Variants in ALG1L2 observed in about 807,000 individuals in gnomAD.
ALG1L2 encodes ALG1 chitobiosyldiphosphodolichol beta-mannosyltransferase like 2.
Under a neutral mutation model 29.0 loss-of-function variants are expected in ALG1L2, and 32 were observed. The observed-to-expected ratio is 1.10, with a 90% CI of 0.83 to 1.48. ALG1L2 has a LOEUF of 1.48. ALG1L2 is among the 40% of genes most tolerant of loss of function. The probability of loss-of-function intolerance (pLI) is 0.00; values close to 1 mark genes in which losing one functional copy is unlikely to be tolerated. For missense variants in ALG1L2, 318 were observed against 274.1 expected (o/e 1.16, Z -1.13); for synonymous variants, 110 against 109.5 (o/e 1.00, Z -0.03).
intron 7 of ALG1L2, 124 bp downstream of exon 7, chr3:130,097,374 G>T: frequency 6.9e-7 from 1 of 1,438,924 alleles, no homozygotes; most frequent in Non-Finnish European, 9.2e-7. Flanking sequence ...GAAAAGCTAG[G>T]GAGGGAGCAG....
At chr3:130,091,123 G>A (rs977897224) in intron 1 of ALG1L2, 138 bp from the exon 2 acceptor site, 1 of 801,992 alleles carries the variant, frequency 1.2e-6, no homozygotes, top group African/African-American at 1.7e-5. Context: ...GGAAATTTCT[G>A]GAAACCAGGA....
intron 4 of ALG1L2, chr3:130,093,994 TG>T (rs1215387381): frequency 1.1e-5 from 3 of 280,484 alleles, no homozygotes; most frequent in South Asian, 3.4e-5. Context: ...CCATGTGCTC[TG>T]GGGGCTGTGG....
Position 130,094,201 on chromosome 3 carries a change from C to T in ALG1L2, c.314-202C>T, listed in dbSNP as rs1266908578. The T allele has an allele frequency of 4.8e-6, 3 of 626,354 alleles. No individual in the cohort carries two copies. In the East Asian group the frequency reaches 8.4e-5, roughly 18 times the overall value. 38.8% of individuals were successfully genotyped at this position (626,354 alleles called of 1,614,324 possible). A position where few individuals can be genotyped will look rare whatever the true frequency, so the allele number is the denominator to read the frequency against. The stretch of plus-strand genomic sequence containing the variant: ...TGGTTGCAGGTGCAGGGCTATGCAT[C>T]AGGGGTCAGGGTGCACATACCCCTG... On this transcript the variant is annotated intron_variant, in intron 4 of 7. Transcript: ENST00000425059.
At chr3:130,089,757 AG>A (rs781095173) in intron 1 of ALG1L2, among the ~76,000 whole-genome samples, 121 of 152,356 alleles carry the variant, frequency 7.9e-4, no homozygotes, top group Non-Finnish European at 1.5e-3. Context: ...ATTAAATTGA[AG>A]GGCCAGGTGC....
chr3:130,087,292 C>G (rs1387936351), intron 1 of ALG1L2, among the ~76,000 whole-genome samples: 1 of 150,366 alleles, frequency 6.7e-6, no homozygotes, highest in East Asian at 1.9e-4. Flanking sequence ...AAACATCAGC[C>G]AAATCCAAAG....
intron 6 of ALG1L2, among the ~76,000 whole-genome samples, chr3:130,096,708 C>G (rs1409867111): frequency 6.6e-6 from 1 of 152,060 alleles, no homozygotes; most frequent in Non-Finnish European, 1.5e-5. Context: ...AAAAGTTGCG[C>G]CCTTGGCCCC....
chr3:130,094,670 G>T (rs186875252), intron 5 of ALG1L2, among the ~76,000 whole-genome samples, 157 bp downstream of exon 5: 7 of 152,316 alleles, frequency 4.6e-5, no homozygotes, highest in Admixed American at 4.6e-4. Flanking sequence ...CTACTTCCTG[G>T]TGTGCCAGCC....
intron 1 of ALG1L2, among the ~76,000 whole-genome samples, chr3:130,084,648 T>A (rs1934853002): frequency 1.5e-5 from 2 of 131,076 alleles, no homozygotes. Flanking sequence ...TATAAAAAGA[T>A]ACCACAAGCT....
intron 3 of ALG1L2, 78 bp from the exon 4 acceptor site, chr3:130,093,023 C>T: frequency 2.4e-6 from 3 of 1,254,790 alleles, no homozygotes; most frequent in African/African-American, 2.1e-5. Context: ...GAGCGAGAGT[C>T]TGTCAGAAAA....
At chr3:130,086,245 G>T (rs1222104076) in intron 1 of ALG1L2, among the ~76,000 whole-genome samples, 1 of 151,186 alleles carries the variant, frequency 6.6e-6, no homozygotes, top group African/African-American at 2.4e-5. Context: ...GCACTTTGAA[G>T]TAGGAAGCAT....
intron 7 of ALG1L2, 88 bp from the exon 8 acceptor site, chr3:130,098,135 G>T (rs1240404532): frequency 6.4e-7 from 1 of 1,559,598 alleles, no homozygotes; most frequent in Admixed American, 1.8e-5. Context: ...CTTGGGAGGG[G>T]TTGTTGTTGG....
intron 1 of ALG1L2, among the ~76,000 whole-genome samples, chr3:130,083,359 G>T (rs2108113104): frequency 7.7e-6 from 1 of 129,662 alleles, no homozygotes; most frequent in Middle Eastern, 4.8e-3. Context: ...CAGGAGAATG[G>T]TCTGAACCCG....
intron 1 of ALG1L2, among the ~76,000 whole-genome samples, chr3:130,086,392 C>T (rs1189484062): frequency 6.8e-5 from 10 of 147,316 alleles, no homozygotes; most frequent in Admixed American, 2.1e-4. Flanking sequence ...CAGAGGTGGG[C>T]ATGGTGGCTC....
chr3:130,096,237 G>A, intron 6 of ALG1L2, 74 bp downstream of exon 6: 1 of 1,540,458 alleles, frequency 6.5e-7, no homozygotes, highest in Middle Eastern at 2.3e-4. Context: ...AGTGCAGAGT[G>A]AGCTGCCCAC....
Position 130,082,052 on chromosome 3 carries a change from G to C in ALG1L2, c.20+16G>C. 6.7e-7 allele frequency: 1 copy of C among 1,486,646 alleles called. No individual in the cohort carries two copies. Among genetic ancestry groups the C allele is most frequent in the Non-Finnish European group, 9.1e-7 (1 of 1,093,572 alleles). The allele number at this position is 1,486,646 out of a possible 1,614,324, so 92.1% of individuals were successfully genotyped here. On this transcript the variant is annotated intron_variant, in intron 1 of 7. Transcript: ENST00000425059. ...CTGCAGGCTGGTAAGCAGGGGGGTG[G>C]TGCTGGTTGGATTGCAATGCAGAGA...
chr3:130,086,324 C>A (rs1934890265), intron 1 of ALG1L2, among the ~76,000 whole-genome samples: 1 of 147,226 alleles, frequency 6.8e-6, no homozygotes, highest in Non-Finnish European at 1.5e-5. Flanking sequence ...CCAGGCATCA[C>A]CTTCACAGAA....
At chr3:130,097,381 G>A in intron 7 of ALG1L2, 131 bp downstream of exon 7, 1 of 1,413,946 alleles carries the variant, frequency 7.1e-7, no homozygotes. Flanking sequence ...TAGGGAGGGA[G>A]CAGAAGTCAC....
At chr3:130,097,909 C>A (rs746915012) in intron 7 of ALG1L2, among the ~76,000 whole-genome samples, 1 of 152,108 alleles carries the variant, frequency 6.6e-6, no homozygotes, top group Non-Finnish European at 1.5e-5. Flanking sequence ...AAGAACACCC[C>A]CTTGTTACCC....
At chr3:130,089,685 G>A (rs1442028766) in intron 1 of ALG1L2, among the ~76,000 whole-genome samples, 3 of 152,294 alleles carry the variant, frequency 2.0e-5, no homozygotes, top group Admixed American at 6.5e-5. Flanking sequence ...CTATTGGACA[G>A]CTCTGTTCTA....
Sources: allele counts gnomAD v4.1 joint callset (sites outside exome capture counted in the v4.1 genomes callset), GRCh38; gene constraint gnomAD v4.1.1; transcripts MANE v1.5; gene names NCBI Gene and HGNC (gene_info 2026-07-23, HGNC 2026-07-21).